TENM2: variants seen among roughly 807,000 people sequenced by gnomAD.
TENM2 encodes teneurin transmembrane protein 2.
TENM2 carries 52 observed loss-of-function variants against 245.2 expected under a neutral mutation model. That is an observed-to-expected ratio of 0.21 (90% CI 0.17 to 0.27). The LOEUF is 0.27. Ranked by LOEUF, TENM2 falls within the 10% of genes least tolerant of loss-of-function variation. TENM2 has a pLI of 1.00. For missense variants in TENM2, 3,046 were observed against 3,666.8 expected, an observed-to-expected ratio of 0.83 and a Z score of 4.37; for synonymous variants, 1,363 against 1,438.9, an observed-to-expected ratio of 0.95 and a Z score of 1.19.
intron 2 of TENM2, among the ~76,000 whole-genome samples, chr5:167,857,409 T>TAC (rs1262935990): frequency 2.6e-5 from 4 of 152,228 alleles, no homozygotes; most frequent in African/African-American, 9.6e-5. Flanking sequence ...TTATTTCTAG[T>TAC]ACACACATCA....
At chr5:167,075,148 T>C in the TENM2 span, among the ~76,000 whole-genome samples, 1 of 152,152 alleles carries the variant, frequency 6.6e-6, no homozygotes, top group African/African-American at 2.4e-5. Flanking sequence ...TATCCTATGC[T>C]AACCCATCTG....
intron 2 of TENM2, among the ~76,000 whole-genome samples, chr5:167,555,971 C>G (rs929664910): frequency 5.9e-5 from 9 of 152,038 alleles, no homozygotes; most frequent in African/African-American, 2.2e-4. Flanking sequence ...GTTCTCAAAT[C>G]CTATGTTTGG....
intron 2 of TENM2, among the ~76,000 whole-genome samples, chr5:167,566,950 C>G (rs1773945794): frequency 6.6e-6 from 1 of 152,134 alleles, no homozygotes; most frequent in South Asian, 2.1e-4. Flanking sequence ...TTCTGTTCAG[C>G]AGACAAAAAC....
chr5:168,209,191 A>G (rs900410844), intron 19 of TENM2, among the ~76,000 whole-genome samples: 5 of 152,230 alleles, frequency 3.3e-5, no homozygotes, highest in Admixed American at 3.3e-4. Context: ...TGATGTGTAA[A>G]TCATTAGAGT....
the TENM2 span, among the ~76,000 whole-genome samples, chr5:167,103,639 T>G: frequency 1.3e-5 from 2 of 152,206 alleles, no homozygotes; most frequent in African/African-American, 2.4e-5. Flanking sequence ...GACTTCTAAC[T>G]TGTTATGTGC....
intron 2 of TENM2, among the ~76,000 whole-genome samples, chr5:167,515,987 A>T (rs996247424): frequency 1.3e-5 from 2 of 152,150 alleles, no homozygotes; most frequent in African/African-American, 4.8e-5. Context: ...GCTGTGAAGT[A>T]ACTAAAATAT....
chr5:167,100,111 A>G, the TENM2 span, among the ~76,000 whole-genome samples: 15 of 152,132 alleles, frequency 9.9e-5, no homozygotes, highest in African/African-American at 2.9e-4. Context: ...ACTTTCCCCT[A>G]TGTAAAGATG....
chr5:167,250,337 A>G, the TENM2 span, among the ~76,000 whole-genome samples: 1 of 152,192 alleles, frequency 6.6e-6, no homozygotes, highest in African/African-American at 2.4e-5. Flanking sequence ...AGACGAAAAA[A>G]ACAGAAAAGC....
chr5:167,477,919 G>A (rs531263011), intron 2 of TENM2, among the ~76,000 whole-genome samples: 9 of 152,270 alleles, frequency 5.9e-5, no homozygotes, highest in South Asian at 4.1e-4. Context: ...TATGAAAGAA[G>A]TAAGGAATTG....
intron 7 of TENM2, among the ~76,000 whole-genome samples, chr5:168,083,960 T>C (rs1323582957): frequency 1.3e-5 from 2 of 152,140 alleles, no homozygotes; most frequent in East Asian, 3.9e-4. Flanking sequence ...TATTGTTCCA[T>C]CTTTATTTCC....
At chr5:167,093,858 A>G in the TENM2 span, among the ~76,000 whole-genome samples, 3 of 152,208 alleles carry the variant, frequency 2.0e-5, no homozygotes, top group African/African-American at 7.2e-5. Context: ...GCCTTAGGAT[A>G]GACTAACCCA....
At chr5:167,032,543 C>T in the TENM2 span, among the ~76,000 whole-genome samples, 1 of 152,134 alleles carries the variant, frequency 6.6e-6, no homozygotes, top group African/African-American at 2.4e-5. Flanking sequence ...ACTTCTTGAA[C>T]ACAGCTATGA....
At chr5:167,490,963 C>T (rs1340699442) in intron 2 of TENM2, among the ~76,000 whole-genome samples, 2 of 152,120 alleles carry the variant, frequency 1.3e-5, no homozygotes, top group Non-Finnish European at 2.9e-5. Flanking sequence ...TTATCAGAAT[C>T]TTCAGGATGG....
intron 5 of TENM2, among the ~76,000 whole-genome samples, chr5:168,016,089 C>G (rs1290923714): frequency 6.6e-6 from 1 of 152,200 alleles, no homozygotes; most frequent in Non-Finnish European, 1.5e-5. Context: ...TCCATCATAA[C>G]ATTTATGCAA....
intron 2 of TENM2, among the ~76,000 whole-genome samples, chr5:167,533,042 T>C (rs1256663298): frequency 6.6e-6 from 1 of 152,034 alleles, no homozygotes; most frequent in Non-Finnish European, 1.5e-5. Context: ...AATGACCTGA[T>C]TTGGATGATT....
At chr5:167,527,675 A>G (rs886261931) in intron 2 of TENM2, among the ~76,000 whole-genome samples, 29 of 152,192 alleles carry the variant, frequency 1.9e-4, no homozygotes, top group Admixed American at 1.3e-4. Flanking sequence ...TTCATCAAAT[A>G]CATTATTTGC....
intron 2 of TENM2, among the ~76,000 whole-genome samples, chr5:167,749,941 A>T (rs1310100900): frequency 6.6e-6 from 1 of 152,166 alleles, no homozygotes; most frequent in Non-Finnish European, 1.5e-5. Context: ...ATCTCTGGCT[A>T]CATTGCCTAT....
intron 2 of TENM2, among the ~76,000 whole-genome samples, chr5:167,578,776 A>G (rs1774883203): frequency 6.6e-6 from 1 of 152,158 alleles, no homozygotes; most frequent in African/African-American, 2.4e-5. Flanking sequence ...ACTTACCTTG[A>G]ACTCTTTGAC....
chr5:167,477,507 G>A (rs150505144), intron 2 of TENM2, among the ~76,000 whole-genome samples: 2 of 152,234 alleles, frequency 1.3e-5, no homozygotes, highest in Admixed American at 6.5e-5. Context: ...GTATTTGTAT[G>A]TAATAATAAT....
Sources: gnomAD v4.1 joint callset for allele counts (sites outside exome capture counted in the v4.1 genomes callset) on GRCh38, gnomAD v4.1.1 for gene constraint, MANE v1.5 for transcripts, NCBI Gene and HGNC (gene_info 2026-07-23, HGNC 2026-07-21) for gene names.